Variants in HMCN1 observed in about 807,000 individuals in gnomAD.
HMCN1 encodes the protein hemicentin 1.
A neutral mutation model predicts 625.9 loss-of-function variants in HMCN1; 321 were observed. The ratio of observed to expected loss-of-function variants is 0.51; its 90% confidence interval spans 0.47 to 0.56. The LOEUF is 0.56. Ranked by LOEUF, HMCN1 falls within the 20% of genes least tolerant of loss-of-function variation. The pLI, the probability that HMCN1 is intolerant of heterozygous loss-of-function variation, is 0.00. For missense variants in HMCN1, 6,588 were observed against 6,887.3 expected (o/e 0.96, Z 1.54); for synonymous variants, 2,425 against 2,417.6 (o/e 1.00, Z -0.09).
At chr1:185,790,642 G>A (rs1049922889) in intron 1 of HMCN1, among the ~76,000 whole-genome samples, 1 of 152,140 alleles carries the variant, frequency 6.6e-6, no homozygotes, top group Admixed American at 6.5e-5. Context: ...CATTTTGGGT[G>A]GAACAATTTT....
chr1:186,077,360 A>G (rs1208707990), intron 54 of HMCN1, among the ~76,000 whole-genome samples: 1 of 152,104 alleles, frequency 6.6e-6, no homozygotes, highest in African/African-American at 2.4e-5. Flanking sequence ...TTGATTATGG[A>G]CTGCGGATTC....
In HMCN1 at chr1:186,154,563, A is replaced by C. The variant is rs57311690; in HGVS notation, c.15256+576A>C. ...CATACAATGTGTCCAAATGCTTTTT[A>C]TTCAAATAATACAAATAATAAAGTC... On this transcript the variant is annotated intron_variant, in intron 97 of 106. Transcript: ENST00000271588. Among the ~76,000 whole-genome samples the C allele has an allele frequency of 4.4e-3, 675 of 152,348 alleles. 7 individuals are homozygous for C. The highest frequency in any genetic ancestry group is 0.014 in the African/African-American group (582 of 41,596).
At chr1:185,825,597 A>G (rs906754763) in intron 1 of HMCN1, among the ~76,000 whole-genome samples, 2 of 152,158 alleles carry the variant, frequency 1.3e-5, no homozygotes, top group African/African-American at 4.8e-5. Flanking sequence ...TGTCACTTGA[A>G]TTCTTGTCTG....
At chr1:185,795,595 G>A (rs73070547) in intron 1 of HMCN1, among the ~76,000 whole-genome samples, 13,829 of 152,134 alleles carry the variant, frequency 0.091, 2,032 homozygotes, top group African/African-American at 0.31. Context: ...CTGATTGTTT[G>A]AAGTTCTCAG....
rs374924485 is a variant in HMCN1, at chr1:185,902,137, AGC to A, written c.622-7199_622-7198del. 7.6e-4 allele frequency among the ~76,000 whole-genome samples: 115 copies of A among 151,830 alleles called. 1 individual carries two copies. The highest frequency in any genetic ancestry group is 4.1e-4 in the South Asian group (2 of 4,824). ...AATAACTATAAAAACACTTGGAAGG[AGC>A]CTATATCCATTTATGAATTGAGGAA... On this transcript the variant is annotated intron_variant, in intron 4 of 106. Transcript: ENST00000271588.
intron 1 of HMCN1, among the ~76,000 whole-genome samples, chr1:185,790,110 G>A (rs73070519): frequency 0.09 from 13,723 of 152,170 alleles, 2,001 homozygotes; most frequent in African/African-American, 0.31. Context: ...AAGAAATAGT[G>A]TCCTGACCAA....
At chr1:185,989,343 T>C in intron 20 of HMCN1, 145 bp from the exon 21 acceptor site, 1 of 960,352 alleles carries the variant, frequency 1.0e-6, no homozygotes, top group Non-Finnish European at 1.6e-6. Flanking sequence ...ATAACTTTTT[T>C]CAAGTTAGCA....
chr1:186,048,913 A>C (rs1019023224), intron 42 of HMCN1, 74 bp downstream of exon 42: 3 of 877,700 alleles, frequency 3.4e-6, no homozygotes, highest in Non-Finnish European at 5.7e-6. Context: ...ACATTCATCC[A>C]TGTAACTAAA....
rs191629821 is a variant in HMCN1 at position 185,960,496 on chromosome 1, T to C, written c.1829-2022T>C. ...CTGTGGGATGATGTCATCCCATCTGTGTGTTGCACACAGACTTATTTCATG... is the reference window on the plus strand; with the variant it reads ...CTGTGGGATGATGTCATCCCATCTGCGTGTTGCACACAGACTTATTTCATG... On this transcript the variant is annotated intron_variant, in intron 11 of 106. Transcript: ENST00000271588. Among the ~76,000 whole-genome samples the C allele has an allele frequency of 3.1e-4, 47 of 152,336 alleles. No homozygotes were observed. In the East Asian group the frequency reaches 9.1e-3, roughly 29 times the overall value.
intron 105 of HMCN1, among the ~76,000 whole-genome samples, chr1:186,186,423 T>A (rs587209): frequency 0.57 from 86,019 of 151,958 alleles, 24,967 homozygotes; most frequent in Middle Eastern, 0.72. Context: ...GCTACTCTGG[T>A]AGCTGAGGCA....
At chr1:185,983,751 A>G (rs1162249250) in intron 18 of HMCN1, among the ~76,000 whole-genome samples, 1 of 152,230 alleles carries the variant, frequency 6.6e-6, no homozygotes, top group Non-Finnish European at 1.5e-5. Context: ...CCTTGGCATG[A>G]GTAAGTGCCT....
At chr1:185,989,690 C>T in intron 21 of HMCN1, 43 bp downstream of exon 21, 1 of 1,595,086 alleles carries the variant, frequency 6.3e-7, no homozygotes, top group Non-Finnish European at 8.6e-7. Flanking sequence ...CATTGTCTAT[C>T]TGTGCCAAAA....
At chr1:185,924,470 AATTTATC>A (rs1415714630) in intron 8 of HMCN1, among the ~76,000 whole-genome samples, 1 of 151,886 alleles carries the variant, frequency 6.6e-6, no homozygotes, top group Non-Finnish European at 1.5e-5. Flanking sequence ...GAGGGACGAA[AATTTATC>A]ATTTATACAT....
chr1:185,993,005 A>G (rs1652534726), intron 22 of HMCN1, among the ~76,000 whole-genome samples, 177 bp from the exon 23 acceptor site: 1 of 152,200 alleles, frequency 6.6e-6, no homozygotes. Context: ...CAGGAAAATC[A>G]TACACAAGAT....
At chr1:186,167,036 C>T (rs1218384321) in intron 100 of HMCN1, 94 bp downstream of exon 100, 15 of 1,482,518 alleles carry the variant, frequency 1.0e-5, no homozygotes, top group Admixed American at 5.1e-5. Context: ...AGAAACTCCA[C>T]GAGGAAGGGA....
chr1:186,027,833 A>AT (rs1421560937), intron 36 of HMCN1, among the ~76,000 whole-genome samples: 3 of 151,998 alleles, frequency 2.0e-5, no homozygotes, highest in Admixed American at 6.6e-5. Context: ...AGCACCCCTT[A>AT]TTTTTTTATT....
Position 186,044,781 on chromosome 1 carries a change from T to G in HMCN1, c.6305-907T>G, listed in dbSNP as rs116862915. Reference sequence around the variant, plus strand: ...AACAGGCTCAATTTCATCATTAGTTTGTGTTTCTGAATTATTATACATACA... The same window carrying G: ...AACAGGCTCAATTTCATCATTAGTTGGTGTTTCTGAATTATTATACATACA... On this transcript the variant is annotated intron_variant, in intron 40 of 106. Transcript: ENST00000271588. 1.7e-4 allele frequency among the ~76,000 whole-genome samples: 26 copies of G among 152,280 alleles called. No individual in the cohort carries two copies. The East Asian group carries it at 4.8e-3, about 28-fold the overall frequency.
intron 97 of HMCN1, among the ~76,000 whole-genome samples, chr1:186,160,806 TC>T (rs1651409455): frequency 6.6e-6 from 1 of 151,250 alleles, no homozygotes; most frequent in Non-Finnish European, 1.5e-5. Context: ...TAATCTCTGT[TC>T]TTTTACATTT....
chr1:185,894,505 T>C (rs73058224), intron 4 of HMCN1, among the ~76,000 whole-genome samples: 9,678 of 152,270 alleles, frequency 0.064, 1,082 homozygotes, highest in African/African-American at 0.22. Context: ...TTCTTGGATC[T>C]GTATCTAGAA....
Sources: allele counts gnomAD v4.1 joint callset (sites outside exome capture counted in the v4.1 genomes callset), GRCh38; gene constraint gnomAD v4.1.1; transcripts MANE v1.5; gene names NCBI Gene and HGNC (gene_info 2026-07-23, HGNC 2026-07-21).